ERC1: variants seen among roughly 807,000 people sequenced by gnomAD.
ERC1 encodes ELKS/RAB6-interacting/CAST family member 1, also known as RAB6 interacting protein 2.
In ERC1, 56 loss-of-function variants were observed where a neutral mutation model predicts 132.0. The ratio of observed to expected loss-of-function variants is 0.42; its 90% CI spans 0.34 to 0.53. The LOEUF (loss-of-function observed/expected upper bound fraction) is 0.53, where lower values mean the gene tolerates loss of function less well. Ranked by LOEUF, ERC1 falls within the 20% of genes least tolerant of loss-of-function variation. ERC1 has a pLI of 0.03. For synonymous variants in ERC1, 478 were observed against 476.1 expected (o/e 1.00, Z -0.05); for missense variants, 1,202 against 1,349.9 (o/e 0.89, Z 1.72).
At chr12:1,443,049 A>G (rs2093203675) in intron 17 of ERC1, among the ~76,000 whole-genome samples, 1 of 151,744 alleles carries the variant, frequency 6.6e-6, no homozygotes, top group African/African-American at 2.4e-5. Flanking sequence ...CTGGGACTAC[A>G]GGCACCCGCC....
upstream of ERC1, chr12:989,961 T>C (rs1353717169): frequency 6.6e-6 from 1 of 152,092 alleles, no homozygotes; most frequent in East Asian, 1.9e-4. Flanking sequence ...CGTCTAACAG[T>C]TGGTAGTCAT....
chr12:1,149,843 C>A (rs1038419652), intron 8 of ERC1, among the ~76,000 whole-genome samples: 2 of 151,974 alleles, frequency 1.3e-5, no homozygotes, highest in African/African-American at 2.4e-5. Flanking sequence ...TATTATTATT[C>A]TTTAGTTTTC....
intron 3 of ERC1, among the ~76,000 whole-genome samples, chr12:1,096,210 G>A (rs891698260): frequency 1.3e-5 from 2 of 152,216 alleles, no homozygotes; most frequent in African/African-American, 2.4e-5. Flanking sequence ...TTACAGGCAT[G>A]AGCCACTGCA....
At chr12:1,129,614 C>T (rs1948560100) in intron 7 of ERC1, among the ~76,000 whole-genome samples, 1 of 152,136 alleles carries the variant, frequency 6.6e-6, no homozygotes, top group South Asian at 2.1e-4. Context: ...TCAGTTGCCA[C>T]AACAGTAGTG....
At chr12:1,405,991 T>C (rs2091465048) in intron 16 of ERC1, among the ~76,000 whole-genome samples, 1 of 152,218 alleles carries the variant, frequency 6.6e-6, no homozygotes, top group Non-Finnish European at 1.5e-5. Context: ...TGTAATTTTT[T>C]AAAACAGTAT....
intron 17 of ERC1, among the ~76,000 whole-genome samples, chr12:1,418,589 C>CTTTCTCTT (rs1374610266): frequency 1.9e-5 from 2 of 107,038 alleles, no homozygotes; most frequent in East Asian, 4.8e-4. Flanking sequence ...TTCTTTCTTT[C>CTTTCTCTT]TCTTTCTTTC....
intron 15 of ERC1, among the ~76,000 whole-genome samples, chr12:1,340,958 C>T (rs1469867791): frequency 1.3e-5 from 2 of 151,232 alleles, no homozygotes; most frequent in Non-Finnish European, 1.5e-5. Context: ...CTAAGGGGTA[C>T]ATTGCCAGTA....
chr12:1,320,415 T>C (rs2082035548), intron 15 of ERC1, among the ~76,000 whole-genome samples: 1 of 152,200 alleles, frequency 6.6e-6, no homozygotes, highest in African/African-American at 2.4e-5. Context: ...ATATTTGAGA[T>C]ATCTTTCTAC....
At chr12:1,225,030 A>G (rs1426343172) in intron 12 of ERC1, among the ~76,000 whole-genome samples, 2 of 152,160 alleles carry the variant, frequency 1.3e-5, no homozygotes, top group Non-Finnish European at 2.9e-5. Flanking sequence ...AAAAACAAAA[A>G]GAAAAAAACA....
chr12:1,468,396 A>G (rs1386071524), intron 18 of ERC1, among the ~76,000 whole-genome samples: 1 of 152,204 alleles, frequency 6.6e-6, no homozygotes, highest in Admixed American at 6.5e-5. Context: ...TGAGGTCAGG[A>G]GTTCAAGGTC....
At chr12:1,033,681 G>A (rs2154153950) in intron 2 of ERC1, among the ~76,000 whole-genome samples, 1 of 151,674 alleles carries the variant, frequency 6.6e-6, no homozygotes, top group South Asian at 2.1e-4. Context: ...GCCAGCTGGA[G>A]TGCAGTGACA....
At chr12:1,308,610 GT>G (rs2045816172) in intron 15 of ERC1, among the ~76,000 whole-genome samples, 1 of 152,146 alleles carries the variant, frequency 6.6e-6, no homozygotes, top group Non-Finnish European at 1.5e-5. Context: ...TGTTCCAACA[GT>G]TTGTAATCAT....
intron 15 of ERC1, among the ~76,000 whole-genome samples, chr12:1,293,271 G>A (rs112719979): frequency 0.033 from 4,931 of 150,882 alleles, 177 homozygotes; most frequent in South Asian, 0.078. Context: ...TGGCTAACAC[G>A]GTGAACCCCG....
intron 2 of ERC1, among the ~76,000 whole-genome samples, chr12:1,068,774 A>AT (rs200468411): frequency 0.027 from 4,179 of 152,098 alleles, 65 homozygotes; most frequent in Non-Finnish European, 0.037. Context: ...TAGCAGACTA[A>AT]TTTTTTTTCA....
chr12:1,331,009 T>G (rs1229279522), intron 15 of ERC1, among the ~76,000 whole-genome samples: 3 of 152,200 alleles, frequency 2.0e-5, no homozygotes. Flanking sequence ...GTTAAATTTT[T>G]TATTGGAGTG....
chr12:1,145,719 G>A (rs1288647901), intron 8 of ERC1, among the ~76,000 whole-genome samples: 1 of 152,158 alleles, frequency 6.6e-6, no homozygotes, highest in African/African-American at 2.4e-5. Context: ...TTAGATTTAA[G>A]TCTTTGAGCC....
chr12:1,245,988 C>T (rs1229274432), intron 13 of ERC1, among the ~76,000 whole-genome samples: 1 of 151,894 alleles, frequency 6.6e-6, no homozygotes, highest in Non-Finnish European at 1.5e-5. Flanking sequence ...CCAGGCTGGT[C>T]TCGAACTCCT....
chr12:1,057,272 C>T (rs985852853), intron 2 of ERC1, among the ~76,000 whole-genome samples: 1 of 151,250 alleles, frequency 6.6e-6, no homozygotes, highest in Non-Finnish European at 1.5e-5. Flanking sequence ...TACAGGCGTA[C>T]ATCACCACAC....
intron 12 of ERC1, chr12:1,204,519 A>C: frequency 6.3e-7 from 1 of 1,591,342 alleles, no homozygotes; most frequent in Non-Finnish European, 8.5e-7. Context: ...CAAGGTCAGT[A>C]TGCTTGCACT....
Sources: allele counts gnomAD v4.1 joint callset (sites outside exome capture counted in the v4.1 genomes callset), GRCh38; gene constraint gnomAD v4.1.1; transcripts MANE v1.5; gene names NCBI Gene and HGNC (gene_info 2026-07-23, HGNC 2026-07-21).